The following SCHIP1 variants were observed in gnomAD, a reference collection of about 807,000 sequenced individuals.
SCHIP1 encodes schwannomin-interacting protein 1.
SCHIP1 carries 8 observed loss-of-function variants against 29.7 expected under a neutral mutation model. That is an observed-to-expected ratio of 0.27 (90% CI 0.16 to 0.49). The LOEUF (loss-of-function observed/expected upper bound fraction) is 0.49, where lower values mean the gene tolerates loss of function less well. Among genes scored for constraint, SCHIP1 ranks in the 20% least tolerant of loss-of-function variants. SCHIP1 has a pLI of 0.99. For missense variants in SCHIP1, 193 were observed against 294.6 expected (o/e 0.66, Z 2.52); for synonymous variants, 76 against 94.9 (o/e 0.80, Z 1.16).
At chr3:159,693,936 C>T in the SCHIP1 span, among the ~76,000 whole-genome samples, 3 of 152,186 alleles carry the variant, frequency 2.0e-5, no homozygotes. Flanking sequence ...ATGGTTTCCA[C>T]AGCAACTACA....
At chr3:159,414,831 C>T in the SCHIP1 span, among the ~76,000 whole-genome samples, 1 of 152,000 alleles carries the variant, frequency 6.6e-6, no homozygotes, top group Non-Finnish European at 1.5e-5. Context: ...AATGTGTATC[C>T]CACATGTGCA....
the SCHIP1 span, among the ~76,000 whole-genome samples, chr3:159,719,793 A>G: frequency 6.6e-6 from 1 of 152,260 alleles, no homozygotes; most frequent in South Asian, 2.1e-4. Context: ...GTGGAACTGT[A>G]AACTAGTTCA....
At chr3:159,828,377 A>ACG in the SCHIP1 span, among the ~76,000 whole-genome samples, 2 of 73,676 alleles carry the variant, frequency 2.7e-5, no homozygotes, top group East Asian at 5.3e-4. Context: ...ATATATATAC[A>ACG]TATATATATA....
At chr3:159,695,066 G>A in the SCHIP1 span, among the ~76,000 whole-genome samples, 5 of 152,118 alleles carry the variant, frequency 3.3e-5, no homozygotes, top group South Asian at 6.2e-4. Context: ...TGAAATCATC[G>A]TCTGTATATT....
At chr3:159,506,171 G>A in the SCHIP1 span, among the ~76,000 whole-genome samples, 1 of 152,198 alleles carries the variant, frequency 6.6e-6, no homozygotes. Flanking sequence ...TCTAACTGGT[G>A]TGAGATGGTA....
the SCHIP1 span, among the ~76,000 whole-genome samples, chr3:159,592,932 T>C: frequency 1.3e-5 from 2 of 152,084 alleles, no homozygotes; most frequent in Non-Finnish European, 2.9e-5. Context: ...TAAAAACAGA[T>C]GACACAAATT....
the SCHIP1 span, chr3:159,399,018 T>C: frequency 1.2e-6 from 1 of 857,446 alleles, no homozygotes; most frequent in South Asian, 5.4e-5. Flanking sequence ...CCTTATATTC[T>C]AGTGCCCACC....
chr3:159,360,770 C>T, the SCHIP1 span, among the ~76,000 whole-genome samples: 1 of 152,062 alleles, frequency 6.6e-6, no homozygotes, highest in East Asian at 1.9e-4. Context: ...CAGTAGCTTT[C>T]TTTCATCAAT....
chr3:159,854,548 A>G (rs1713087424), intron 1 of SCHIP1, among the ~76,000 whole-genome samples: 1 of 152,182 alleles, frequency 6.6e-6, no homozygotes, highest in African/African-American at 2.4e-5. Flanking sequence ...GATCCCCAAG[A>G]CAGGAATGAG....
the SCHIP1 span, among the ~76,000 whole-genome samples, chr3:159,746,343 G>A: frequency 7.2e-5 from 11 of 151,918 alleles, no homozygotes; most frequent in African/African-American, 2.7e-4. Context: ...TAAAACTCTA[G>A]TTCTCACGTG....
the SCHIP1 span, among the ~76,000 whole-genome samples, chr3:159,822,373 G>C: frequency 2.0e-5 from 3 of 152,026 alleles, no homozygotes; most frequent in Non-Finnish European, 2.9e-5. Context: ...ATAAGGCCTA[G>C]TGCAATGGAA....
intron 1 of SCHIP1, among the ~76,000 whole-genome samples, chr3:159,860,902 G>A (rs1320544761): frequency 1.3e-5 from 2 of 152,010 alleles, no homozygotes; most frequent in African/African-American, 4.8e-5. Context: ...CTTCCTCTTG[G>A]TCTGACAGGC....
the SCHIP1 span, among the ~76,000 whole-genome samples, chr3:159,435,451 T>C: frequency 8.5e-5 from 13 of 152,154 alleles, no homozygotes; most frequent in Non-Finnish European, 1.5e-4. Flanking sequence ...TATGGAATCC[T>C]GGAATCACTG....
chr3:159,719,263 C>T, the SCHIP1 span, among the ~76,000 whole-genome samples: 223 of 152,272 alleles, frequency 1.5e-3, no homozygotes, highest in African/African-American at 4.9e-3. Flanking sequence ...AATGTCAGAC[C>T]TAAAATCATA....
At chr3:159,440,652 C>CA in the SCHIP1 span, among the ~76,000 whole-genome samples, 2 of 152,178 alleles carry the variant, frequency 1.3e-5, no homozygotes, top group Admixed American at 1.3e-4. Flanking sequence ...AATTTGCTCT[C>CA]ATTTGAGCAC....
At chr3:159,671,014 T>C in the SCHIP1 span, among the ~76,000 whole-genome samples, 4 of 152,212 alleles carry the variant, frequency 2.6e-5, 1 homozygote, top group South Asian at 6.2e-4. Flanking sequence ...AAACCAAGTA[T>C]AGGACTCTTC....
At chr3:159,635,356 C>T in the SCHIP1 span, among the ~76,000 whole-genome samples, 2 of 152,024 alleles carry the variant, frequency 1.3e-5, no homozygotes, top group Non-Finnish European at 2.9e-5. Context: ...GTCAGGGACT[C>T]GAGGGGCAAC....
chr3:159,481,564 C>A, the SCHIP1 span, among the ~76,000 whole-genome samples: 1 of 152,100 alleles, frequency 6.6e-6, no homozygotes, highest in Non-Finnish European at 1.5e-5. Context: ...AGGTATTCTG[C>A]ATTTTTATTT....
the SCHIP1 span, among the ~76,000 whole-genome samples, chr3:159,408,839 G>GA: frequency 6.6e-6 from 1 of 152,064 alleles, no homozygotes; most frequent in Non-Finnish European, 1.5e-5. Flanking sequence ...ATCAAAGAAA[G>GA]AAAAATATAA....
Sources: allele counts gnomAD v4.1 joint callset (sites outside exome capture counted in the v4.1 genomes callset), GRCh38; gene constraint gnomAD v4.1.1; transcripts MANE v1.5; gene names NCBI Gene and HGNC (gene_info 2026-07-23, HGNC 2026-07-21).